Variants in GLCCI1 observed in about 807,000 individuals in gnomAD.
The protein encoded by GLCCI1 is glucocorticoid induced 1.
In GLCCI1, 24 loss-of-function variants were observed where a neutral mutation model predicts 52.2. The observed-to-expected ratio is 0.46, with a 90% CI of 0.33 to 0.65. GLCCI1 has a LOEUF of 0.65. GLCCI1 is among the 30% of genes least tolerant of loss of function. The probability of loss-of-function intolerance (pLI) is 0.02; values close to 1 mark genes in which losing one functional copy is unlikely to be tolerated. For synonymous variants in GLCCI1, 310 were observed against 276.5 expected, an observed-to-expected ratio of 1.12 and a Z score of -1.20; for missense variants, 704 against 701.5, an observed-to-expected ratio of 1.00 and a Z score of -0.04.
intron 5 of GLCCI1, among the ~76,000 whole-genome samples, chr7:8,069,678 G>A (rs1782711123): frequency 6.6e-6 from 1 of 152,204 alleles, no homozygotes; most frequent in Non-Finnish European, 1.5e-5. Flanking sequence ...TCCAAGGGCA[G>A]CAGGGGCAGA....
intron 6 of GLCCI1, among the ~76,000 whole-genome samples, chr7:8,074,023 C>G (rs994787642): frequency 6.6e-6 from 1 of 152,180 alleles, no homozygotes; most frequent in African/African-American, 2.4e-5. Flanking sequence ...TAACTATGCA[C>G]ACATGGGTGT....
intron 4 of GLCCI1, among the ~76,000 whole-genome samples, chr7:8,059,865 C>G (rs1782476271): frequency 6.6e-6 from 1 of 152,094 alleles, no homozygotes; most frequent in South Asian, 2.1e-4. Context: ...TACAGGTATA[C>G]CTTTATACTT....
At chr7:8,066,468 A>G (rs993946743) in intron 5 of GLCCI1, among the ~76,000 whole-genome samples, 1 of 151,026 alleles carries the variant, frequency 6.6e-6, no homozygotes, top group Non-Finnish European at 1.5e-5. Context: ...TAGTCCCTCT[A>G]TATGTGATGT....
At chr7:8,047,244 C>T (rs1782151491) in intron 3 of GLCCI1, among the ~76,000 whole-genome samples, 1 of 152,136 alleles carries the variant, frequency 6.6e-6, no homozygotes, top group African/African-American at 2.4e-5. Flanking sequence ...ATTGATTTTC[C>T]TCCAGTGCAT....
chr7:8,001,255 A>AT (rs1192532651), intron 1 of GLCCI1, among the ~76,000 whole-genome samples: 1 of 152,100 alleles, frequency 6.6e-6, no homozygotes, highest in Non-Finnish European at 1.5e-5. Context: ...ATCTCTCAAC[A>AT]TTTGCTTATC....
chr7:8,073,209 A>C (rs1050994953), intron 6 of GLCCI1, among the ~76,000 whole-genome samples: 1 of 152,168 alleles, frequency 6.6e-6, no homozygotes, highest in Non-Finnish European at 1.5e-5. Context: ...ATTAATTCTC[A>C]AAGATTTAAT....
chr7:8,044,661 G>T (rs1008563874), intron 3 of GLCCI1, among the ~76,000 whole-genome samples: 2 of 152,172 alleles, frequency 1.3e-5, no homozygotes, highest in Non-Finnish European at 1.5e-5. Context: ...GTGGGCCACT[G>T]TGCCCGGCAC....
chr7:7,998,554 T>A (rs1008777429), intron 1 of GLCCI1, among the ~76,000 whole-genome samples: 1 of 152,184 alleles, frequency 6.6e-6, no homozygotes, highest in Non-Finnish European at 1.5e-5. Context: ...TAACTTTTAT[T>A]TGCATGCAAA....
chr7:8,078,208 T>TAAAAAA (rs5882151), intron 6 of GLCCI1, among the ~76,000 whole-genome samples: 3 of 86,206 alleles, frequency 3.5e-5, no homozygotes, highest in South Asian at 9.0e-4. Flanking sequence ...GACTCCGTCT[T>TAAAAAA]AAAAAAAAAA....
chr7:8,074,151 T>C (rs1271308365), intron 6 of GLCCI1, among the ~76,000 whole-genome samples: 1 of 152,138 alleles, frequency 6.6e-6, no homozygotes, highest in African/African-American at 2.4e-5. Context: ...AGTGGAGAAA[T>C]AGAGATGAAT....
chr7:8,047,354 T>C (rs543406832), intron 3 of GLCCI1, among the ~76,000 whole-genome samples: 132 of 152,370 alleles, frequency 8.7e-4, no homozygotes, highest in Middle Eastern at 3.4e-3. Context: ...TGGTTAGATT[T>C]GTGTTTCCCT....
At chr7:8,058,151 C>T (rs1462861935) in intron 4 of GLCCI1, among the ~76,000 whole-genome samples, 1 of 152,026 alleles carries the variant, frequency 6.6e-6, no homozygotes, top group Non-Finnish European at 1.5e-5. Flanking sequence ...AATTCAGTTT[C>T]CTCTTATATT....
intron 1 of GLCCI1, among the ~76,000 whole-genome samples, chr7:7,978,711 T>C (rs1407239483): frequency 6.6e-6 from 1 of 152,178 alleles, no homozygotes; most frequent in Non-Finnish European, 1.5e-5. Context: ...TATTTACTTT[T>C]CTAGTTAAAT....
At chr7:8,052,437 T>C (rs1005805042) in intron 3 of GLCCI1, among the ~76,000 whole-genome samples, 2 of 152,216 alleles carry the variant, frequency 1.3e-5, no homozygotes, top group African/African-American at 4.8e-5. Flanking sequence ...GAGTTGGTTA[T>C]GGCTTAAAAG....
At chr7:7,981,998 T>C (rs183027387) in intron 1 of GLCCI1, 1 of 421,912 alleles carries the variant, frequency 2.4e-6, no homozygotes, top group African/African-American at 2.1e-5. Flanking sequence ...ATGAGAAAGT[T>C]TGGAGTTTGG....
chr7:7,973,165 A>AT (rs999155116), intron 1 of GLCCI1, among the ~76,000 whole-genome samples: 2 of 152,264 alleles, frequency 1.3e-5, no homozygotes, highest in South Asian at 2.1e-4. Flanking sequence ...GCAAATAGTT[A>AT]TTTTTTTGTA....
chr7:7,975,658 C>T (rs1030778573), intron 1 of GLCCI1, among the ~76,000 whole-genome samples: 4 of 152,182 alleles, frequency 2.6e-5, no homozygotes, highest in Non-Finnish European at 5.9e-5. Context: ...CTGACATTTT[C>T]AGAATGTCTA....
chr7:8,012,646 C>T (rs946417429), intron 2 of GLCCI1, among the ~76,000 whole-genome samples: 31 of 151,358 alleles, frequency 2.0e-4, no homozygotes, highest in South Asian at 1.7e-3. Flanking sequence ...GGGGTTTCAC[C>T]GTGTTAGCCA....
chr7:8,009,042 T>G (rs928973172), intron 2 of GLCCI1, among the ~76,000 whole-genome samples: 1 of 152,208 alleles, frequency 6.6e-6, no homozygotes, highest in Non-Finnish European at 1.5e-5. Flanking sequence ...ATTTGCACAT[T>G]CACACGTTTA....
Sources: gnomAD v4.1 joint callset for allele counts (sites outside exome capture counted in the v4.1 genomes callset) on GRCh38, gnomAD v4.1.1 for gene constraint, MANE v1.5 for transcripts, NCBI Gene and HGNC (gene_info 2026-07-23, HGNC 2026-07-21) for gene names.